Variants in RNF17 observed in about 807,000 individuals in gnomAD.
The protein encoded by RNF17 is ring finger protein 17.
RNF17 carries 31 observed loss-of-function variants against 200.5 expected under a neutral mutation model. That is an observed-to-expected ratio of 0.15 (90% CI 0.12 to 0.21). The LOEUF (loss-of-function observed/expected upper bound fraction) is 0.21, where lower values mean the gene tolerates loss of function less well. Ranked by LOEUF, RNF17 falls within the 10% of genes least tolerant of loss-of-function variation. The pLI, the probability that RNF17 is intolerant of heterozygous loss-of-function variation, is 1.00. For missense variants in RNF17, 1,628 were observed against 1,905.1 expected (o/e 0.85, Z 2.71); for synonymous variants, 606 against 637.8 (o/e 0.95, Z 0.75).
the RNF17 span, among the ~76,000 whole-genome samples, chr13:24,759,007 G>A: frequency 6.9e-6 from 1 of 145,142 alleles, no homozygotes; most frequent in Non-Finnish European, 1.5e-5. Flanking sequence ...TTGAACCTGG[G>A]CAGCAGAAGT....
At chr13:24,885,191 C>A in the RNF17 span, 8 of 911,606 alleles carry the variant, frequency 8.8e-6, no homozygotes, top group Admixed American at 5.7e-5. Context: ...TCCAAAGAGC[C>A]CTTATTTTAG....
chr13:24,782,357 T>TG (rs962710109), intron 6 of RNF17, among the ~76,000 whole-genome samples: 8 of 151,980 alleles, frequency 5.3e-5, no homozygotes, highest in East Asian at 1.9e-4. Context: ...GTGTTTTTTT[T>TG]TTGTTGTTGT....
At chr13:24,883,210 C>T (rs760070560), downstream of RNF17, 1 of 1,613,936 alleles carries the variant, frequency 6.2e-7, no homozygotes, top group East Asian at 2.2e-5. Flanking sequence ...CATTACCCTC[C>T]TTGTCCTTAA....
chr13:24,847,378 C>T (rs970264326), intron 22 of RNF17, among the ~76,000 whole-genome samples: 2 of 148,278 alleles, frequency 1.3e-5, no homozygotes, highest in African/African-American at 5.0e-5. Flanking sequence ...CAGAGTCTCC[C>T]TCTGTTGCCC....
chr13:24,767,398 T>C (rs766920219), intron 2 of RNF17, 32 bp downstream of exon 2: 5 of 1,332,784 alleles, frequency 3.8e-6, no homozygotes, highest in South Asian at 3.6e-5. Context: ...ATGAAACATA[T>C]CACAACCTAA....
At chr13:24,750,930 A>T in the RNF17 span, 1 of 151,886 alleles carries the variant, frequency 6.6e-6, no homozygotes, top group Non-Finnish European at 1.5e-5. Flanking sequence ...GCTTTCCTTT[A>T]TCTGATGCTG....
intron 2 of RNF17, among the ~76,000 whole-genome samples, chr13:24,769,439 G>A (rs555397337): frequency 2.0e-5 from 3 of 152,230 alleles, no homozygotes; most frequent in South Asian, 2.1e-4. Context: ...ACTGTTAGCC[G>A]AGGTAATTGA....
At chr13:24,781,306 T>C (rs1224191753) in intron 5 of RNF17, among the ~76,000 whole-genome samples, 7 of 152,134 alleles carry the variant, frequency 4.6e-5, no homozygotes, top group Non-Finnish European at 1.0e-4. Context: ...CAGTGGATTT[T>C]TTTTAGGTCT....
intron 15 of RNF17, among the ~76,000 whole-genome samples, chr13:24,820,124 T>C (rs1210208992): frequency 4.6e-5 from 1 of 21,506 alleles, no homozygotes; most frequent in Non-Finnish European, 8.1e-5. Context: ...CTTTTTTCTT[T>C]TTTTTTTTTT....
At chr13:24,766,742 A>G (rs553335638) in intron 1 of RNF17, among the ~76,000 whole-genome samples, 1 of 152,380 alleles carries the variant, frequency 6.6e-6, no homozygotes, top group South Asian at 2.1e-4. Flanking sequence ...TCTCCAGCCC[A>G]CTTAACTGTG....
intron 29 of RNF17, among the ~76,000 whole-genome samples, chr13:24,865,584 T>C (rs998713486): frequency 2.6e-5 from 4 of 152,238 alleles, no homozygotes; most frequent in Non-Finnish European, 4.4e-5. Flanking sequence ...TATCACAAGA[T>C]ATTTTTATTT....
At position 24,862,741 on chromosome 13, in the gene RNF17, T is replaced by C; in HGVS notation, c.3923T>C (p.Ile1308Thr). 1.2e-6 allele frequency: 2 copies of C among 1,609,342 alleles called. No individual in the cohort carries two copies. The highest frequency in any genetic ancestry group is 1.7e-6 in the Non-Finnish European group (2 of 1,175,892). Reference sequence around the variant, plus strand: ...GGGAATGTCTGGCAACCAGATGCAATAGAAGTTCTTCAACAACTGCTTTCA... The same window carrying C: ...GGGAATGTCTGGCAACCAGATGCAACAGAAGTTCTTCAACAACTGCTTTCA... The part of the protein sequence containing the change: ...PVGNVWQPDA[I>T]EVLQQLLSKR... Residue 1308 changes from isoleucine to threonine, a missense_variant, in exon 28 of 36, where the codon ATA becomes ACA. Around this residue, in one of 5 missense-constraint regions of RNF17, gnomAD observed 609 missense variants for 681.9 expected, o/e 0.89. Coordinates refer to ENST00000255324, the MANE Select transcript of RNF17 (RefSeq NM_031277.3).
chr13:24,766,613 A>G (rs894779706), intron 1 of RNF17, among the ~76,000 whole-genome samples: 2 of 152,232 alleles, frequency 1.3e-5, no homozygotes, highest in African/African-American at 2.4e-5. Flanking sequence ...CAGGATGGGA[A>G]ATATAAAGTA....
At chr13:24,842,985 TAAAAAAA>T (rs374294921) in intron 19 of RNF17, among the ~76,000 whole-genome samples, 3,046 of 133,858 alleles carry the variant, frequency 0.023, 101 homozygotes, top group African/African-American at 0.079. Context: ...AGACTCTGTC[TAAAAAAA>T]AAAAAAGAAA....
At chr13:24,835,221 G>A (rs975693738) in intron 18 of RNF17, among the ~76,000 whole-genome samples, 1 of 151,466 alleles carries the variant, frequency 6.6e-6, no homozygotes, top group African/African-American at 2.4e-5. Flanking sequence ...GCCCCCACCT[G>A]ATGGTCCTTC....
At chr13:24,772,684 C>G (rs1356432894) in intron 2 of RNF17, among the ~76,000 whole-genome samples, 2 of 151,684 alleles carry the variant, frequency 1.3e-5, no homozygotes, top group Non-Finnish European at 2.9e-5. Context: ...CATCTCAGCT[C>G]ACTGCAAGCT....
chr13:24,796,039 C>G, intron 10 of RNF17, 98 bp from the exon 11 acceptor site: 4 of 865,000 alleles, frequency 4.6e-6, no homozygotes, highest in Non-Finnish European at 6.9e-6. Flanking sequence ...TTCACAATGC[C>G]ATAAGACACT....
At chr13:24,850,225 C>A in intron 22 of RNF17, 116 bp from the exon 23 acceptor site, 1 of 496,852 alleles carries the variant, frequency 2.0e-6, no homozygotes, top group Non-Finnish European at 3.5e-6. Context: ...GTTTTTTTTA[C>A]TACATATAGT....
rs138906982 is a variant in RNF17 at position 24,787,197 on chromosome 13, T to C, written c.612-791T>C. Among the ~76,000 whole-genome samples, 393 of 152,328 alleles carry C rather than the reference T, an allele frequency of 2.6e-3. 6 individuals are homozygous for C. In the East Asian group the frequency reaches 0.034, roughly 13 times the overall value. On this transcript the variant is annotated intron_variant, in intron 6 of 35. Coordinates refer to ENST00000255324, the MANE Select transcript of RNF17 (RefSeq NM_031277.3). ...ATTTTATATAATTTCTCTATGTTGA[T>C]ATTATCATTTTGTCCCCTAGATCAT...
Sources: allele counts gnomAD v4.1 joint callset (sites outside exome capture counted in the v4.1 genomes callset), GRCh38; gene constraint gnomAD v4.1.1; regional missense constraint gnomAD v4.1.1; transcripts MANE v1.5; gene names NCBI Gene and HGNC (gene_info 2026-07-23, HGNC 2026-07-21).